Variants in TLN2 observed in about 807,000 individuals in gnomAD.
TLN2 encodes the protein talin-2.
TLN2 carries 118 observed loss-of-function variants against 294.7 expected under a neutral mutation model. That is an observed-to-expected ratio of 0.40 (90% CI 0.34 to 0.47). TLN2 has a LOEUF of 0.47. TLN2 is among the 20% of genes least tolerant of loss of function. The probability of loss-of-function intolerance (pLI) is 0.84; values close to 1 mark genes in which losing one functional copy is unlikely to be tolerated. For synonymous variants in TLN2, 1,431 were observed against 1,304.5 expected (o/e 1.10, Z -2.09); for missense variants, 3,083 against 3,282.2 (o/e 0.94, Z 1.48).
At chr15:62,487,662 G>A (rs1395728425) in intron 1 of TLN2, among the ~76,000 whole-genome samples, 1 of 150,742 alleles carries the variant, frequency 6.6e-6, no homozygotes, top group African/African-American at 2.4e-5. Context: ...GGGAGATCCT[G>A]ACCCTATAAA....
intron 3 of TLN2, chr15:62,645,211 A>C (rs1180043023): frequency 6.5e-6 from 1 of 152,932 alleles, no homozygotes; most frequent in Non-Finnish European, 1.5e-5. Context: ...GGGTGGAGGA[A>C]GCTTTTACAT....
chr15:62,663,032 C>T (rs1234418608), intron 9 of TLN2, among the ~76,000 whole-genome samples: 1 of 151,904 alleles, frequency 6.6e-6, no homozygotes, highest in Non-Finnish European at 1.5e-5. Flanking sequence ...ACTGTGTTAG[C>T]CAGGATGGTC....
intron 1 of TLN2, among the ~76,000 whole-genome samples, chr15:62,581,352 A>G (rs1006533370): frequency 6.6e-6 from 1 of 152,166 alleles, no homozygotes; most frequent in Non-Finnish European, 1.5e-5. Context: ...AGCACTGAAT[A>G]GTATTCTATT....
At chr15:62,522,967 CA>C (rs2040540553) in intron 1 of TLN2, among the ~76,000 whole-genome samples, 1 of 141,604 alleles carries the variant, frequency 7.1e-6, no homozygotes, top group Non-Finnish European at 1.5e-5. Flanking sequence ...CACACACACA[CA>C]CACACACACA....
At chr15:62,825,792 TA>T (rs1248065783) in intron 54 of TLN2, among the ~76,000 whole-genome samples, 102 of 7,722 alleles carry the variant, frequency 0.013, 2 homozygotes, top group South Asian at 0.065. Flanking sequence ...TTATATATTA[TA>T]ATATATATTA....
chr15:62,455,692 C>G (rs1217301402), intron 1 of TLN2, among the ~76,000 whole-genome samples: 1 of 152,212 alleles, frequency 6.6e-6, no homozygotes, highest in Non-Finnish European at 1.5e-5. Context: ...TCGGGGCTGC[C>G]TGTCACGGGT....
At chr15:62,707,304 C>T in intron 20 of TLN2, 51 bp downstream of exon 20, 1 of 1,527,764 alleles carries the variant, frequency 6.5e-7, no homozygotes, top group East Asian at 2.3e-5. Context: ...CCTGCTGTTA[C>T]CTGCCTCCAG....
At chr15:62,406,320 A>G (rs1333716742) in intron 1 of TLN2, among the ~76,000 whole-genome samples, 1 of 152,192 alleles carries the variant, frequency 6.6e-6, no homozygotes, top group African/African-American at 2.4e-5. Context: ...CCTCTGATGC[A>G]GGGCAGATGA....
At position 62,702,668 on chromosome 15, in the gene TLN2, A is replaced by T. The variant is rs186162185; in HGVS notation, c.1906-98A>T. On this transcript the variant is annotated intron_variant, in intron 18 of 58. Transcript: ENST00000636159. ...GAGATTCTCACTGTCAGACAAAGGG[A>T]GCAAATTCTGTGAGATTCTACTTCC... The T allele has an allele frequency of 1.3e-4, 162 of 1,219,630 alleles. 1 individual carries two copies. In the East Asian group the frequency reaches 3.4e-3, roughly 26 times the overall value. The allele number at this position is 1,219,630 out of a possible 1,614,324, so 75.6% of individuals were successfully genotyped here.
At chr15:62,685,217 A>G (rs974066657) in intron 11 of TLN2, among the ~76,000 whole-genome samples, 1 of 152,154 alleles carries the variant, frequency 6.6e-6, no homozygotes, top group African/African-American at 2.4e-5. Flanking sequence ...TTTTAATAAT[A>G]TATTATGAAT....
chr15:62,640,080 C>T (rs1038215215), intron 3 of TLN2: 16 of 444,592 alleles, frequency 3.6e-5, no homozygotes, highest in Middle Eastern at 6.8e-4. Flanking sequence ...TCCTGCCGAG[C>T]GAGGTGGAGG....
At position 62,805,692 on chromosome 15, in the gene TLN2, C is replaced by T. The variant is rs765812711; in HGVS notation, c.6570C>T (p.Ala2190=). The part of the protein sequence containing the change: ...TKGITMATAK[A]VAAGNSCRQE... ...GCATCACCATGGCAACAGCCAAAGC[C>T]GTGGCAGCTGGGAACTCATGTAGAC... The change falls in exon 51 of 59, where the codon GCC becomes GCT. Residue 2190 remains alanine, a synonymous_variant. Transcript: ENST00000636159. 58 of 1,614,052 alleles carry T rather than the reference C, an allele frequency of 3.6e-5. No homozygotes were observed. Among genetic ancestry groups the T allele is most frequent in the African/African-American group, 5.3e-5 (4 of 74,936 alleles).
intron 3 of TLN2, among the ~76,000 whole-genome samples, chr15:62,623,098 G>A (rs1381121733): frequency 6.6e-6 from 1 of 152,216 alleles, no homozygotes; most frequent in Admixed American, 6.5e-5. Context: ...ATATCCATAT[G>A]GAGTAACTGA....
At chr15:62,559,972 C>G (rs1343872308) in intron 1 of TLN2, among the ~76,000 whole-genome samples, 2 of 152,170 alleles carry the variant, frequency 1.3e-5, no homozygotes, top group African/African-American at 4.8e-5. Context: ...GGCTCAGTTA[C>G]CAGGAAGAAT....
intron 3 of TLN2, among the ~76,000 whole-genome samples, chr15:62,630,024 T>A (rs1050530837): frequency 9.2e-5 from 14 of 152,210 alleles, no homozygotes; most frequent in Non-Finnish European, 2.1e-4. Flanking sequence ...TTTTTGTTTC[T>A]TTGGTGGGGT....
chr15:62,833,700 T>C, intron 55 of TLN2, 71 bp downstream of exon 55: 20 of 1,567,150 alleles, frequency 1.3e-5, no homozygotes, highest in Non-Finnish European at 1.6e-5. Context: ...GGAAAAGAGC[T>C]ACAAGCTTTT....
rs984974793 is a variant in TLN2, at chr15:62,797,130, C to G, written c.6051-89C>G. 5.3e-5 allele frequency: 76 copies of G among 1,429,968 alleles called. No homozygotes were observed. In the East Asian group the frequency reaches 1.7e-3, roughly 33 times the overall value. The allele number at this position is 1,429,968 out of a possible 1,614,324, so 88.6% of individuals were successfully genotyped here. On this transcript the variant is annotated intron_variant, in intron 47 of 58. Transcript: ENST00000636159. ...CTTCTTCAAAGCCCTTTAACAAAAGCCCCATGTGAGGGATTTCTTTTCTTC... is the reference window on the plus strand; with the variant it reads ...CTTCTTCAAAGCCCTTTAACAAAAGGCCCATGTGAGGGATTTCTTTTCTTC...
At chr15:62,641,624 A>C (rs1193482979) in intron 3 of TLN2, among the ~76,000 whole-genome samples, 2 of 143,272 alleles carry the variant, frequency 1.4e-5, no homozygotes, top group Admixed American at 1.5e-4. Flanking sequence ...TCCATCTAAA[A>C]AATAAAAATA....
intron 1 of TLN2, among the ~76,000 whole-genome samples, chr15:62,540,066 A>G (rs2041587191): frequency 1.3e-5 from 2 of 152,206 alleles, no homozygotes; most frequent in South Asian, 2.1e-4. Context: ...CAGGCTGGGT[A>G]CAGTGGCTCA....
Sources: gnomAD v4.1 joint callset for allele counts (sites outside exome capture counted in the v4.1 genomes callset) on GRCh38, gnomAD v4.1.1 for gene constraint, MANE v1.5 for transcripts, NCBI Gene and HGNC (gene_info 2026-07-23, HGNC 2026-07-21) for gene names.